ADAMTS17: variants seen among roughly 807,000 people sequenced by gnomAD.
ADAMTS17 encodes the protein A disintegrin and metalloproteinase with thrombospondin motifs 17.
Under a neutral mutation model 141.5 loss-of-function variants are expected in ADAMTS17, and 113 were observed. The observed-to-expected ratio is 0.80, with a 90% CI of 0.69 to 0.93. The LOEUF (loss-of-function observed/expected upper bound fraction) is 0.93, where lower values mean the gene tolerates loss of function less well. ADAMTS17 is among the 40% of genes least tolerant of loss of function. The pLI is 0.00. For missense variants in ADAMTS17, 1,659 were observed against 1,517.9 expected, an observed-to-expected ratio of 1.09 and a Z score of -1.54; for synonymous variants, 768 against 630.6, an observed-to-expected ratio of 1.22 and a Z score of -3.27.
At chr15:100,041,711 G>A (rs1158205417) in intron 18 of ADAMTS17, among the ~76,000 whole-genome samples, 1 of 152,184 alleles carries the variant, frequency 6.6e-6, no homozygotes, top group African/African-American at 2.4e-5. Flanking sequence ...TGCCATGCGT[G>A]TCAGACTCCA....
intron 2 of ADAMTS17, among the ~76,000 whole-genome samples, chr15:100,337,609 G>C (rs1286020935): frequency 6.6e-6 from 1 of 152,222 alleles, no homozygotes; most frequent in Non-Finnish European, 1.5e-5. Context: ...CCCCTGGCAG[G>C]CCACAGCTTT....
chr15:100,132,077 C>G lies in ADAMTS17; in HGVS notation c.1651G>C (p.Ala551Pro). The G allele has an allele frequency of 1.2e-6, 2 of 1,614,164 alleles. No individual in the cohort carries two copies. Among genetic ancestry groups the G allele is most frequent in the Non-Finnish European group, 1.7e-6 (2 of 1,180,030 alleles). The change falls in exon 12 of 22, where the codon GCC (alanine) becomes CCC (proline). Residue 551 changes from alanine (A) to proline (P), a missense_variant. Coordinates refer to ENST00000268070, the MANE Select transcript of ADAMTS17 (RefSeq NM_139057.4). ...HVDGDWSPWGAWSMCSRTCGT... is the reference protein window; with the variant it reads ...HVDGDWSPWGPWSMCSRTCGT... ...CATGTTCGGCTGCACATGCTCCAGG[C>G]GCCCCACGGGCTCCAGTCTCCGTCC...
Position 100,155,241 on chromosome 15 carries a change from G to T in ADAMTS17, c.1261C>A (p.Arg421=). Residue 421 remains arginine, a synonymous_variant, in exon 9 of 22, where the codon CGG becomes AGG. Coordinates refer to ENST00000268070, the MANE Select transcript of ADAMTS17 (RefSeq NM_139057.4). ...HIMSGEWVKG[R]NPSDLSWSSC... is the part of the protein sequence containing the mutation. ...GACCAAGAGAGGTCACTTGGGTTCCGGCCTTTCACCCACTCTCCTGACATG... is the reference window on the plus strand; with the variant it reads ...GACCAAGAGAGGTCACTTGGGTTCCTGCCTTTCACCCACTCTCCTGACATG... The T allele has an allele frequency of 2.5e-6, 4 of 1,614,174 alleles. No homozygotes were observed. Among genetic ancestry groups the T allele is most frequent in the Non-Finnish European group, 3.4e-6 (4 of 1,180,036 alleles).
intron 3 of ADAMTS17, among the ~76,000 whole-genome samples, chr15:100,311,369 G>A (rs537078134): frequency 1.3e-5 from 2 of 152,344 alleles, no homozygotes; most frequent in East Asian, 3.9e-4. Flanking sequence ...GCCTTCTGGG[G>A]GCCACCATCC....
In ADAMTS17 at chr15:100,214,186, C is replaced by A. The variant is rs551806531; in HGVS notation, c.1076-14763G>T. Among the ~76,000 whole-genome samples the A allele has an allele frequency of 1.6e-3, 246 of 152,280 alleles. 7 individuals are homozygous for A. The South Asian group carries it at 0.044, about 27-fold the overall frequency. ...GGATTTTCCCCAACCCCACCGTCTC[C>A]CCCTTCAGCCATGTCGACAGGGAAG... On this transcript the variant is annotated intron_variant, in intron 7 of 21. Coordinates refer to ENST00000268070, the MANE Select transcript of ADAMTS17 (RefSeq NM_139057.4).
intron 7 of ADAMTS17, among the ~76,000 whole-genome samples, chr15:100,202,736 C>T (rs1044541190): frequency 6.6e-6 from 1 of 152,198 alleles, no homozygotes; most frequent in African/African-American, 2.4e-5. Context: ...GCTGGGAAAA[C>T]CCGCCAAATC....
At chr15:100,232,747 G>A (rs1278817000) in intron 7 of ADAMTS17, among the ~76,000 whole-genome samples, 2 of 152,140 alleles carry the variant, frequency 1.3e-5, no homozygotes, top group African/African-American at 4.8e-5. Context: ...GCCCATGCGG[G>A]ACACCCTGCC....
intron 18 of ADAMTS17, among the ~76,000 whole-genome samples, chr15:100,006,084 A>G (rs1019269869): frequency 6.6e-6 from 1 of 152,174 alleles, no homozygotes; most frequent in African/African-American, 2.4e-5. Context: ...CTTCAGTATG[A>G]TATCATTTTA....
At chr15:100,340,292 G>A (rs1196806574) in intron 2 of ADAMTS17, among the ~76,000 whole-genome samples, 1 of 152,170 alleles carries the variant, frequency 6.6e-6, no homozygotes, top group Non-Finnish European at 1.5e-5. Context: ...CACCTGTTCC[G>A]GGTGCCTCAA....
chr15:100,235,047 T>C (rs137993895), intron 7 of ADAMTS17, among the ~76,000 whole-genome samples: 2,075 of 152,198 alleles, frequency 0.014, 38 homozygotes, highest in African/African-American at 0.047. Flanking sequence ...AGAATGCCAC[T>C]GGAAGAGGGA....
intron 12 of ADAMTS17, among the ~76,000 whole-genome samples, chr15:100,131,012 T>C (rs928724258): frequency 5.1e-4 from 77 of 152,062 alleles, no homozygotes; most frequent in Non-Finnish European, 9.1e-4. Context: ...GTGGCACATA[T>C]ACACCATGGA....
At chr15:100,132,630 A>G (rs1270577866) in intron 11 of ADAMTS17, among the ~76,000 whole-genome samples, 2 of 152,254 alleles carry the variant, frequency 1.3e-5, no homozygotes, top group Non-Finnish European at 2.9e-5. Flanking sequence ...ACAATTTCTC[A>G]AAGTGCACAG....
At chr15:100,283,720 T>C (rs144093377) in intron 3 of ADAMTS17, among the ~76,000 whole-genome samples, 1 of 152,298 alleles carries the variant, frequency 6.6e-6, no homozygotes, top group Non-Finnish European at 1.5e-5. Flanking sequence ...CCAGCTAGCA[T>C]CAACATGTAA....
chr15:100,119,043 T>TACAC (rs60655404), intron 12 of ADAMTS17, among the ~76,000 whole-genome samples: 39 of 148,700 alleles, frequency 2.6e-4, no homozygotes, highest in Middle Eastern at 3.5e-3. Context: ...CATCTGGAGA[T>TACAC]ACACACACAC....
intron 4 of ADAMTS17, among the ~76,000 whole-genome samples, chr15:100,273,693 C>T (rs1007065342): frequency 4.6e-5 from 7 of 152,054 alleles, no homozygotes; most frequent in Admixed American, 6.5e-5. Context: ...TGCTTTAATC[C>T]ATAGCAATCC....
chr15:100,167,623 G>A lies in ADAMTS17; in HGVS notation c.1182-12303C>T, dbSNP rs193063516. Among the ~76,000 whole-genome samples the A allele has an allele frequency of 1.1e-4, 16 of 152,300 alleles. No homozygotes were observed. The East Asian group carries it at 2.7e-3, about 26-fold the overall frequency. ...ACCTCAAGCAGGAAGGGGGACCCCC[G>A]AGGCACCTTCCTATGGATGGCATGC... On this transcript the variant is annotated intron_variant, in intron 8 of 21. Transcript: ENST00000268070.
intron 3 of ADAMTS17, among the ~76,000 whole-genome samples, chr15:100,294,048 T>C (rs2044728776): frequency 6.6e-6 from 1 of 152,120 alleles, no homozygotes; most frequent in Non-Finnish European, 1.5e-5. Flanking sequence ...TAAGGCAAGA[T>C]GATAATCGTT....
chr15:100,017,290 C>T (rs2061310150), intron 18 of ADAMTS17, among the ~76,000 whole-genome samples: 1 of 152,208 alleles, frequency 6.6e-6, no homozygotes, highest in African/African-American at 2.4e-5. Context: ...AGGCTATCTG[C>T]CTCCCAGCTG....
At chr15:100,221,337 G>A (rs538650211) in intron 7 of ADAMTS17, among the ~76,000 whole-genome samples, 15 of 151,048 alleles carry the variant, frequency 9.9e-5, no homozygotes, top group African/African-American at 3.2e-4. Flanking sequence ...CTTGAGTCCC[G>A]CATAGCATAT....
Sources: gnomAD v4.1 joint callset for allele counts (sites outside exome capture counted in the v4.1 genomes callset) on GRCh38, gnomAD v4.1.1 for gene constraint, MANE v1.5 for transcripts, NCBI Gene and HGNC (gene_info 2026-07-23, HGNC 2026-07-21) for gene names.